BRIP1: variants seen among roughly 807,000 people sequenced by gnomAD.
BRIP1 encodes Fanconi anemia group J protein.
Under a neutral mutation model 119.7 loss-of-function variants are expected in BRIP1, and 88 were observed. That is an observed-to-expected ratio of 0.74 (90% CI 0.62 to 0.88). The LOEUF (loss-of-function observed/expected upper bound fraction) is 0.88, where lower values mean the gene tolerates loss of function less well. BRIP1 is among the 40% of genes least tolerant of loss of function. BRIP1 has a pLI of 0.00. For synonymous variants in BRIP1, 443 were observed against 496.5 expected (o/e 0.89, Z 1.43); for missense variants, 1,259 against 1,455.4 (o/e 0.87, Z 2.20).
At chr17:61,787,005 T>C (rs2077727916) in intron 10 of BRIP1, among the ~76,000 whole-genome samples, 1 of 117,352 alleles carries the variant, frequency 8.5e-6, no homozygotes, top group Admixed American at 1.0e-4. Context: ...TAAATAATTT[T>C]ATAAAATTAT....
rs771096783 is a variant in BRIP1, at chr17:61,808,537, C to A, written c.848G>T (p.Cys283Phe). ...MTILSSRDHTCVHPEVVGNFN... is the reference protein window; with the variant it reads ...MTILSSRDHTFVHPEVVGNFN... ...GTTACCGACTACCTCAGGATGGACA[C>A]AAGTATGATCCCTGCTGGAAAGAAT... Residue 283 changes from cysteine (C) to phenylalanine (F), a missense_variant, in exon 7 of 20, where the codon TGT (cysteine) becomes TTT (phenylalanine). Transcript: ENST00000259008. The surrounding 1 kb of genome is among the most constrained non-coding windows in gnomAD (Gnocchi z 4.1). 3 of 1,613,670 alleles carry A rather than the reference C, an allele frequency of 1.9e-6. No homozygotes were observed. The highest frequency in any genetic ancestry group is 2.5e-6 in the Non-Finnish European group (3 of 1,179,644).
chr17:61,799,254 G>A lies in BRIP1; in HGVS notation c.1186C>T (p.His396Tyr). The change falls in exon 9 of 20, where the codon CAT becomes TAT. Residue 396 changes from histidine to tyrosine, a missense_variant. By Grantham distance (83) the His-to-Tyr change is moderately conservative. Coordinates refer to ENST00000259008, the MANE Select transcript of BRIP1 (RefSeq NM_032043.3). This position sits in a 1 kb window ranked among gnomAD's most constrained non-coding sequence, Gnocchi z 5.1. ...KEQVVILDEA[H>Y]NIEDCARESA... ...TCCCGAGCACAGTCCTCGATGTTAT[G>A]AGCTTCATCTAAAATGACAACCTGT... The A allele has an allele frequency of 6.2e-7, 1 of 1,613,408 alleles. No homozygotes were observed. The highest frequency in any genetic ancestry group is 8.5e-7 in the Non-Finnish European group (1 of 1,179,562).
In BRIP1 at chr17:61,687,520, TAC is replaced by T. The variant is rs2061379789; in HGVS notation, c.2576-1357_2576-1356del. Among the ~76,000 whole-genome samples, 2 of 152,116 alleles carry T rather than the reference TAC, an allele frequency of 1.3e-5. No homozygotes were observed. The highest frequency in any genetic ancestry group is 6.5e-5 in the Admixed American group (1 of 15,280). ...CTTTATGTTTTAATATCAAACCAAATACAGTCATTAAGCTCTGAAATTGAAAA... is the reference window on the plus strand; with the variant it reads ...CTTTATGTTTTAATATCAAACCAAATAGTCATTAAGCTCTGAAATTGAAAA... On this transcript the variant is annotated intron_variant, in intron 18 of 19. Coordinates refer to ENST00000259008, the MANE Select transcript of BRIP1 (RefSeq NM_032043.3). This position sits in a 1 kb window ranked among gnomAD's most constrained non-coding sequence, Gnocchi z 5.1.
intron 6 of BRIP1, among the ~76,000 whole-genome samples, chr17:61,819,827 G>C (rs2078294256): frequency 6.6e-6 from 1 of 152,050 alleles, no homozygotes; most frequent in Non-Finnish European, 1.5e-5. Context: ...TAGCACAACA[G>C]GGTGAATATA....
rs1287785847 is a variant in BRIP1, at chr17:61,730,083, AC to A, written c.2379+12929del. On this transcript the variant is annotated intron_variant, in intron 16 of 19. Transcript: ENST00000259008. The surrounding 1 kb of genome is among the most constrained non-coding windows in gnomAD (Gnocchi z 4.3). ...ATACACTGAGTTATTTGTATAGCTT[AC>A]TATAGTCACTGACGCACTGGGGTGA... Among the ~76,000 whole-genome samples the A allele has an allele frequency of 1.3e-5, 2 of 152,250 alleles. No individual in the cohort carries two copies. The highest frequency in any genetic ancestry group is 4.8e-5 in the African/African-American group (2 of 41,470).
chr17:61,797,410 G>A (rs779019211), intron 9 of BRIP1, among the ~76,000 whole-genome samples: 5 of 151,946 alleles, frequency 3.3e-5, no homozygotes, highest in Non-Finnish European at 7.4e-5. Context: ...ACCACTGACT[G>A]GCTGAGATAA....
In BRIP1 at chr17:61,679,808, T is replaced by C. The variant is rs11079454; in HGVS notation, c.*3488A>G. Among the ~76,000 whole-genome samples, 2 of 152,014 alleles carry C rather than the reference T, an allele frequency of 1.3e-5. No homozygotes were observed. The highest frequency in any genetic ancestry group is 4.8e-5 in the African/African-American group (2 of 41,364). ...TCTGTAAACATTTCTTTTAAAAGTA[T>C]GTTATCAGTAATGAAAATGGCCTAC... is the stretch of plus-strand genomic sequence containing the variant. On this transcript the variant is annotated 3_prime_UTR_variant, in exon 20 of 20. Coordinates refer to ENST00000259008, the MANE Select transcript of BRIP1 (RefSeq NM_032043.3). This position sits in a 1 kb window ranked among gnomAD's most constrained non-coding sequence, Gnocchi z 4.4.
At position 61,683,587 on chromosome 17, in the gene BRIP1, A is replaced by G. The variant is rs4987050; in HGVS notation, c.3459T>C (p.Asp1153=). 6.7e-4 allele frequency: 1,086 copies of G among 1,612,548 alleles called. 1 individual carries two copies. In the Middle Eastern group the frequency reaches 0.016, roughly 24 times the overall value. Residue 1153 remains aspartate (D), a synonymous_variant, in exon 20 of 20, where the codon GAT becomes GAC. Transcript: ENST00000259008. The surrounding 1 kb of genome is among the most constrained non-coding windows in gnomAD (Gnocchi z 4.7). ...DEEKNDLAET[D]RGNRLANNSD... is the part of the protein sequence containing the mutation. Reference sequence around the variant, plus strand: ...AATTGTTAGCCAATCTATTTCCTCTATCAGTTTCAGCTAGGTCATTTTTTT... The same window carrying G: ...AATTGTTAGCCAATCTATTTCCTCTGTCAGTTTCAGCTAGGTCATTTTTTT...
At chr17:61,772,835 A>AAAC (rs1416563923) in intron 14 of BRIP1, among the ~76,000 whole-genome samples, 1 of 151,058 alleles carries the variant, frequency 6.6e-6, no homozygotes, top group Non-Finnish European at 1.5e-5. Context: ...AAAAAAAAAA[A>AAAC]AAAAAAAACC....
intron 10 of BRIP1, among the ~76,000 whole-genome samples, chr17:61,786,906 T>C (rs1446973688): frequency 1.0e-4 from 7 of 70,154 alleles, no homozygotes; most frequent in African/African-American, 1.3e-4. Flanking sequence ...TTATATATAA[T>C]GTAAATATAA....
At chr17:61,829,437 T>G (rs1314804611) in intron 6 of BRIP1, among the ~76,000 whole-genome samples, 1 of 151,666 alleles carries the variant, frequency 6.6e-6, no homozygotes, top group Admixed American at 6.6e-5. Flanking sequence ...CTGGTAGAAT[T>G]GAAAGAAAAG....
Position 61,808,424 on chromosome 17 carries a change from T to G in BRIP1, c.918+43A>C. On this transcript the variant is annotated intron_variant, in intron 7 of 19. Transcript: ENST00000259008. This position sits in a 1 kb window ranked among gnomAD's most constrained non-coding sequence, Gnocchi z 4.1. The stretch of plus-strand genomic sequence containing the variant: ...AACACATACTGAGTAATTTAAATAT[T>G]TTCAGCCTTATTTTTTCTCTAACAC... 1 of 1,553,436 alleles carries G rather than the reference T, an allele frequency of 6.4e-7. No individual in the cohort carries two copies. The highest frequency in any genetic ancestry group is 8.9e-7 in the Non-Finnish European group (1 of 1,126,038).
In BRIP1 at chr17:61,722,179, C is replaced by G. The variant is rs897613748; in HGVS notation, c.2380-6116G>C. Among the ~76,000 whole-genome samples the G allele has an allele frequency of 6.7e-6, 1 of 148,748 alleles. No individual in the cohort carries two copies. Among genetic ancestry groups the G allele is most frequent in the African/African-American group, 2.5e-5 (1 of 40,346 alleles). On this transcript the variant is annotated intron_variant, in intron 16 of 19. Coordinates refer to ENST00000259008, the MANE Select transcript of BRIP1 (RefSeq NM_032043.3). This position sits in a 1 kb window ranked among gnomAD's most constrained non-coding sequence, Gnocchi z 4.6. ...GCCTCAGCCTCCTGAGTAGCTGGGACTACAGGTGCATGCCACCATGCCCAG... is the reference window on the plus strand; with the variant it reads ...GCCTCAGCCTCCTGAGTAGCTGGGAGTACAGGTGCATGCCACCATGCCCAG...
At position 61,806,680 on chromosome 17, in the gene BRIP1, T is replaced by TA. The variant is rs2078077767; in HGVS notation, c.918+1786dup. 9.0e-6 allele frequency among the ~76,000 whole-genome samples: 1 copy of TA among 111,578 alleles called. No homozygotes were observed. Among genetic ancestry groups the TA allele is most frequent in the Non-Finnish European group, 1.8e-5 (1 of 55,118 alleles). The allele number at this position is 111,578 out of a possible 152,430, so 73.2% of individuals were successfully genotyped here. On this transcript the variant is annotated intron_variant, in intron 7 of 19. Coordinates refer to ENST00000259008, the MANE Select transcript of BRIP1 (RefSeq NM_032043.3). The surrounding 1 kb of genome is among the most constrained non-coding windows in gnomAD (Gnocchi z 4.9). ...TATCATTGCTTTTACCAATGTATTT[T>TA]ACCAATGTATGTTTTTGGTTGGTTG...
intron 16 of BRIP1, among the ~76,000 whole-genome samples, chr17:61,723,679 A>C (rs1261097078): frequency 6.6e-6 from 1 of 152,198 alleles, no homozygotes; most frequent in Non-Finnish European, 1.5e-5. Context: ...TTTCAAATAC[A>C]TTTTACAAGC....
intron 10 of BRIP1, 32 bp from the exon 11 acceptor site, chr17:61,784,456 G>C: frequency 6.3e-7 from 1 of 1,581,792 alleles, no homozygotes; most frequent in Non-Finnish European, 8.6e-7. Context: ...AGTATAGAGG[G>C]GTTGGGAGGG....
In BRIP1 at chr17:61,742,332, A is replaced by G. The variant is rs946971094; in HGVS notation, c.2379+681T>C. 2.1e-4 allele frequency among the ~76,000 whole-genome samples: 32 copies of G among 152,188 alleles called. No individual in the cohort carries two copies. The highest frequency in any genetic ancestry group is 6.8e-4 in the African/African-American group (28 of 41,452). ...ATATCAGTAATAAGACTGTTTGCTT[A>G]TTATTTGTACATTCACTGGAGTAAC... On this transcript the variant is annotated intron_variant, in intron 16 of 19. Coordinates refer to ENST00000259008, the MANE Select transcript of BRIP1 (RefSeq NM_032043.3). The surrounding 1 kb of genome is among the most constrained non-coding windows in gnomAD (Gnocchi z 4.7).
chr17:61,838,591 A>C (rs956176559), intron 6 of BRIP1, among the ~76,000 whole-genome samples: 7 of 142,502 alleles, frequency 4.9e-5, no homozygotes, highest in East Asian at 2.0e-4. Flanking sequence ...ATAAATAAAT[A>C]AAGCATCATT....
At chr17:61,696,365 G>A (rs1406221306) in intron 17 of BRIP1, among the ~76,000 whole-genome samples, 1 of 151,972 alleles carries the variant, frequency 6.6e-6, no homozygotes, top group African/African-American at 2.4e-5. Flanking sequence ...TGCTGATTCT[G>A]TCAATGGCTT....
Sources: gnomAD v4.1 joint callset for allele counts (sites outside exome capture counted in the v4.1 genomes callset) on GRCh38, gnomAD v4.1.1 for gene constraint, Gnocchi (gnomAD v3.1) non-coding constraint, MANE v1.5 for transcripts, NCBI Gene and HGNC (gene_info 2026-07-23, HGNC 2026-07-21) for gene names.